Variants in PTPRD observed in about 807,000 individuals in gnomAD.
PTPRD encodes receptor-type tyrosine-protein phosphatase delta.
A neutral mutation model predicts 214.5 loss-of-function variants in PTPRD; 34 were observed. The ratio of observed to expected loss-of-function variants is 0.16; its 90% CI spans 0.12 to 0.21. The LOEUF is 0.21. Among genes scored for constraint, PTPRD ranks in the 10% least tolerant of loss-of-function variants. PTPRD has a pLI of 1.00. For missense variants in PTPRD, 2,545 were observed against 2,398.7 expected (o/e 1.06, Z -1.27); for synonymous variants, 1,128 against 845.7 (o/e 1.33, Z -5.79).
chr9:8,662,440 T>C (rs10977241), intron 12 of PTPRD, among the ~76,000 whole-genome samples: 12,654 of 152,272 alleles, frequency 0.083, 761 homozygotes, highest in Non-Finnish European at 0.13. Context: ...GTTCATGGTA[T>C]GGTCTGGGTA....
chr9:9,675,398 T>C (rs1421751567), intron 7 of PTPRD, among the ~76,000 whole-genome samples: 1 of 151,516 alleles, frequency 6.6e-6, no homozygotes, highest in Non-Finnish European at 1.5e-5. Flanking sequence ...ATTAGAACAA[T>C]TCTAAAGAAA....
intron 35 of PTPRD, among the ~76,000 whole-genome samples, chr9:8,412,807 C>G (rs1331196199): frequency 6.6e-6 from 1 of 152,128 alleles, no homozygotes; most frequent in Non-Finnish European, 1.5e-5. Flanking sequence ...ACATGCCCAT[C>G]TATGTAATTT....
intron 2 of PTPRD, among the ~76,000 whole-genome samples, chr9:10,419,944 C>T (rs2098530497): frequency 6.6e-6 from 1 of 151,726 alleles, no homozygotes; most frequent in Non-Finnish European, 1.5e-5. Context: ...CTCAGCTCCA[C>T]AATTGCTCAA....
chr9:8,507,674 A>T (rs971782706), intron 21 of PTPRD, among the ~76,000 whole-genome samples: 12 of 152,210 alleles, frequency 7.9e-5, no homozygotes, highest in African/African-American at 2.9e-4. Context: ...TAATAAGTAT[A>T]AAGTATATCG....
intron 9 of PTPRD, among the ~76,000 whole-genome samples, chr9:9,281,046 C>G (rs973595373): frequency 7.3e-5 from 11 of 151,224 alleles, no homozygotes; most frequent in African/African-American, 2.7e-4. Flanking sequence ...GCTGGAACAA[C>G]TGAATACGCA....
chr9:8,884,936 C>T (rs901810142), intron 11 of PTPRD, among the ~76,000 whole-genome samples: 1 of 151,236 alleles, frequency 6.6e-6, no homozygotes, highest in Non-Finnish European at 1.5e-5. Context: ...AAAGTTATCT[C>T]CTGGATTCCA....
At chr9:10,034,266 A>G (rs1240706649) in intron 3 of PTPRD, among the ~76,000 whole-genome samples, 1 of 152,120 alleles carries the variant, frequency 6.6e-6, no homozygotes. Flanking sequence ...AGTTAAAACT[A>G]AATTTATCAT....
chr9:9,458,799 G>A (rs1024345032), intron 8 of PTPRD, among the ~76,000 whole-genome samples: 8 of 152,100 alleles, frequency 5.3e-5, no homozygotes, highest in African/African-American at 1.9e-4. Flanking sequence ...AATTAGCTGA[G>A]TGTGGTGGTG....
intron 7 of PTPRD, among the ~76,000 whole-genome samples, chr9:9,660,722 TAAAC>T (rs1163430092): frequency 2.0e-5 from 3 of 151,970 alleles, no homozygotes; most frequent in Non-Finnish European, 4.4e-5. Context: ...ATATATAACA[TAAAC>T]AAAGTGATTT....
At chr9:8,522,761 C>T (rs1205931202) in intron 19 of PTPRD, among the ~76,000 whole-genome samples, 1 of 152,128 alleles carries the variant, frequency 6.6e-6, no homozygotes. Context: ...GGGGCTTTTA[C>T]TGGCAAAATG....
chr9:8,980,236 G>A (rs776765137), intron 11 of PTPRD, among the ~76,000 whole-genome samples: 1 of 151,870 alleles, frequency 6.6e-6, no homozygotes, highest in African/African-American at 2.4e-5. Flanking sequence ...GTGGGGGTGG[G>A]GGCGAGGAAA....
intron 8 of PTPRD, among the ~76,000 whole-genome samples, chr9:9,420,776 T>C (rs1215087369): frequency 1.3e-5 from 2 of 151,894 alleles, no homozygotes; most frequent in South Asian, 2.1e-4. Flanking sequence ...ATGCCCATGA[T>C]CGATTAAATT....
chr9:8,624,330 T>G (rs1352197478), intron 14 of PTPRD, among the ~76,000 whole-genome samples: 2 of 151,932 alleles, frequency 1.3e-5, no homozygotes, highest in Non-Finnish European at 2.9e-5. Flanking sequence ...TGTTGTATCA[T>G]CCTATTTCCT....
At chr9:9,195,985 G>A (rs1437919419) in intron 9 of PTPRD, among the ~76,000 whole-genome samples, 2 of 152,022 alleles carry the variant, frequency 1.3e-5, no homozygotes, top group Non-Finnish European at 2.9e-5. Context: ...TTATTTTGAA[G>A]AATTAAAAGA....
At chr9:9,094,980 G>T (rs920948738) in intron 10 of PTPRD, among the ~76,000 whole-genome samples, 1 of 152,090 alleles carries the variant, frequency 6.6e-6, no homozygotes, top group Admixed American at 6.5e-5. Context: ...AATACTTCAT[G>T]ACCAAATGGA....
At chr9:9,516,726 C>G (rs550117916) in intron 8 of PTPRD, among the ~76,000 whole-genome samples, 2 of 151,762 alleles carry the variant, frequency 1.3e-5, no homozygotes, top group Non-Finnish European at 2.9e-5. Context: ...TTAGTAAAGA[C>G]GGGGCTTCGC....
chr9:9,063,130 C>A (rs1343671942), intron 10 of PTPRD, among the ~76,000 whole-genome samples: 1 of 152,000 alleles, frequency 6.6e-6, no homozygotes, highest in Non-Finnish European at 1.5e-5. Flanking sequence ...GTCAAGAGAT[C>A]CCAACATTTG....
At chr9:9,135,993 G>A (rs752565826) in intron 10 of PTPRD, among the ~76,000 whole-genome samples, 11 of 151,932 alleles carry the variant, frequency 7.2e-5, no homozygotes, top group Non-Finnish European at 2.9e-5. Flanking sequence ...TTATATACAT[G>A]CACATGTGTT....
chr9:8,348,397 TTTC>T (rs1225239070), intron 39 of PTPRD, among the ~76,000 whole-genome samples: 3 of 151,906 alleles, frequency 2.0e-5, no homozygotes, highest in South Asian at 4.1e-4. Flanking sequence ...CCTTTGTGGG[TTTC>T]TTTTTTTCTT....
Sources: gnomAD v4.1 joint callset for allele counts (sites outside exome capture counted in the v4.1 genomes callset) on GRCh38, gnomAD v4.1.1 for gene constraint, MANE v1.5 for transcripts, NCBI Gene and HGNC (gene_info 2026-07-23, HGNC 2026-07-21) for gene names.